MRPS28: variants seen among roughly 807,000 people sequenced by gnomAD.
MRPS28 encodes the protein mitochondrial ribosomal protein S28.
Under a neutral mutation model 10.8 loss-of-function variants are expected in MRPS28, and 7 were observed. The observed-to-expected ratio is 0.65, with a 90% confidence interval of 0.37 to 1.22. The LOEUF (loss-of-function observed/expected upper bound fraction) is 1.22, where lower values mean the gene tolerates loss of function less well. Among genes scored for constraint, MRPS28 ranks in the 50% most tolerant of loss-of-function variants. The probability of loss-of-function intolerance (pLI) is 0.02; values close to 1 mark genes in which losing one functional copy is unlikely to be tolerated. For missense variants in MRPS28, 265 were observed against 232.9 expected, an observed-to-expected ratio of 1.14 and a Z score of -0.90; for synonymous variants, 121 against 93.3, an observed-to-expected ratio of 1.30 and a Z score of -1.71.
At chr8:79,977,535 G>A (rs889940061) in intron 2 of MRPS28, among the ~76,000 whole-genome samples, 1 of 152,170 alleles carries the variant, frequency 6.6e-6, no homozygotes, top group African/African-American at 2.4e-5. Flanking sequence ...AAAGAATACA[G>A]GCGAAGCACA....
intron 1 of MRPS28, among the ~76,000 whole-genome samples, chr8:80,020,704 G>C (rs963366695): frequency 7.2e-5 from 11 of 152,082 alleles, no homozygotes; most frequent in African/African-American, 2.7e-4. Flanking sequence ...GTTATCAAGG[G>C]AAACCAAGAA....
At chr8:79,968,261 C>T (rs1807548306) in intron 2 of MRPS28, among the ~76,000 whole-genome samples, 1 of 152,136 alleles carries the variant, frequency 6.6e-6, no homozygotes. Flanking sequence ...AAAGCAAGAT[C>T]CTGTCCTTGT....
intron 2 of MRPS28, among the ~76,000 whole-genome samples, chr8:79,969,651 G>A (rs1331569579): frequency 6.6e-6 from 1 of 151,972 alleles, no homozygotes; most frequent in Non-Finnish European, 1.5e-5. Flanking sequence ...TGACGCAGGA[G>A]GATTGCTTGA....
Position 80,030,159 on chromosome 8 carries a change from G to A in MRPS28, c.90C>T (p.Gly30=). The change falls in exon 1 of 3, where the codon GGC becomes GGT. Residue 30 remains glycine (G), a synonymous_variant. Coordinates refer to ENST00000276585, the MANE Select transcript of MRPS28 (RefSeq NM_014018.3). The part of the protein sequence containing the change: ...FLFFRPFRGV[G]TESGSESGSS... ...TACCACTTTCGGATCCACTCTCAGT[G>A]CCTACACCCCGAAAGGGCCTGAAGA... is the stretch of plus-strand genomic sequence containing the variant. 1 of 1,614,228 alleles carries A rather than the reference G, an allele frequency of 6.2e-7. No homozygotes were observed. Among genetic ancestry groups the A allele is most frequent in the Non-Finnish European group, 8.5e-7 (1 of 1,180,040 alleles).
At chr8:79,944,293 G>A (rs528361165) in intron 2 of MRPS28, among the ~76,000 whole-genome samples, 10 of 152,300 alleles carry the variant, frequency 6.6e-5, no homozygotes, top group Admixed American at 6.5e-4. Flanking sequence ...AAGACTGTTT[G>A]CCTATTGCAG....
intron 1 of MRPS28, among the ~76,000 whole-genome samples, chr8:80,027,629 C>T (rs577979340): frequency 6.6e-6 from 1 of 152,282 alleles, no homozygotes; most frequent in East Asian, 1.9e-4. Context: ...ATGACCTGAA[C>T]CAGGGAGCAA....
intron 2 of MRPS28, among the ~76,000 whole-genome samples, chr8:79,984,847 T>C (rs1350523917): frequency 6.6e-6 from 1 of 152,060 alleles, no homozygotes; most frequent in African/African-American, 2.4e-5. Flanking sequence ...CACCCCACAG[T>C]CAACATTAGA....
At chr8:80,029,969 T>TCCCGAC (rs1156753875) in intron 1 of MRPS28, 67 bp downstream of exon 1, 1 of 1,565,000 alleles carries the variant, frequency 6.4e-7, no homozygotes, top group East Asian at 2.4e-5. Context: ...CCGCCCCTAT[T>TCCCGAC]CCCGACCCCG....
At chr8:79,990,402 A>G (rs1301505581) in intron 2 of MRPS28, among the ~76,000 whole-genome samples, 1 of 152,082 alleles carries the variant, frequency 6.6e-6, no homozygotes, top group East Asian at 1.9e-4. Flanking sequence ...TGTCTGGATT[A>G]CAACAGTCTC....
intron 2 of MRPS28, among the ~76,000 whole-genome samples, chr8:79,943,082 T>C (rs1316415502): frequency 6.6e-6 from 1 of 152,206 alleles, no homozygotes; most frequent in Non-Finnish European, 1.5e-5. Context: ...AGTTTTGTTG[T>C]TAATACCAAG....
intron 1 of MRPS28, among the ~76,000 whole-genome samples, chr8:80,026,666 T>G (rs1358305790): frequency 6.6e-6 from 1 of 152,182 alleles, no homozygotes; most frequent in African/African-American, 2.4e-5. Context: ...TAGTAAAAAT[T>G]TTATTCTGAT....
intron 1 of MRPS28, among the ~76,000 whole-genome samples, chr8:80,026,277 AAATAT>A (rs1477567109): frequency 3.3e-5 from 5 of 152,212 alleles, no homozygotes; most frequent in African/African-American, 1.2e-4. Flanking sequence ...TCCTTACCAT[AAATAT>A]GTTAGAAAAA....
chr8:79,965,064 A>G (rs1452399701), intron 2 of MRPS28, among the ~76,000 whole-genome samples: 3 of 152,148 alleles, frequency 2.0e-5, no homozygotes, highest in African/African-American at 7.2e-5. Context: ...ACACACATGT[A>G]TTAATATTAA....
intron 1 of MRPS28, among the ~76,000 whole-genome samples, chr8:80,006,613 C>G (rs1427818558): frequency 1.3e-5 from 2 of 152,164 alleles, no homozygotes; most frequent in African/African-American, 4.8e-5. Context: ...CACAGAAATA[C>G]AAACTAACAT....
intron 2 of MRPS28, among the ~76,000 whole-genome samples, chr8:79,970,117 T>G (rs1483271064): frequency 6.6e-6 from 1 of 152,194 alleles, no homozygotes; most frequent in Non-Finnish European, 1.5e-5. Context: ...TATACTGACA[T>G]AAGGTGCATA....
intron 2 of MRPS28, among the ~76,000 whole-genome samples, chr8:79,933,704 C>T (rs1806530279): frequency 6.6e-6 from 1 of 152,016 alleles, no homozygotes; most frequent in Non-Finnish European, 1.5e-5. Context: ...TAAAGAAATT[C>T]TATTAGGAAA....
chr8:79,997,583 CTCCTT>C (rs1808534814), intron 2 of MRPS28, among the ~76,000 whole-genome samples: 2 of 151,770 alleles, frequency 1.3e-5, no homozygotes, highest in African/African-American at 2.4e-5. Context: ...AAAAAACTCT[CTCCTT>C]TCTGATTCAA....
At chr8:79,950,491 T>C (rs938741231) in intron 2 of MRPS28, among the ~76,000 whole-genome samples, 22 of 152,296 alleles carry the variant, frequency 1.4e-4, no homozygotes, top group African/African-American at 4.6e-4. Context: ...AAAGGCTGCA[T>C]GATGATTCTT....
At chr8:79,968,648 A>G (rs766001221) in intron 2 of MRPS28, among the ~76,000 whole-genome samples, 59 of 151,770 alleles carry the variant, frequency 3.9e-4, no homozygotes, top group Non-Finnish European at 6.9e-4. Flanking sequence ...GTATCTATAT[A>G]TCTGCCTTCT....
Sources: gnomAD v4.1 joint callset for allele counts (sites outside exome capture counted in the v4.1 genomes callset) on GRCh38, gnomAD v4.1.1 for gene constraint, MANE v1.5 for transcripts, NCBI Gene and HGNC (gene_info 2026-07-23, HGNC 2026-07-21) for gene names.